The following SEMA6D variants were observed in gnomAD, a reference collection of about 807,000 sequenced individuals.
SEMA6D encodes the protein semaphorin 6D, also known as semaphorin-6D.
A neutral mutation model predicts 106.6 loss-of-function variants in SEMA6D; 35 were observed. The observed-to-expected ratio is 0.33, with a 90% CI of 0.25 to 0.44. The LOEUF is 0.44. SEMA6D is among the 20% of genes least tolerant of loss of function. The pLI, the probability that SEMA6D is intolerant of heterozygous loss-of-function variation, is 1.00. For missense variants in SEMA6D, 1,185 were observed against 1,345.9 expected, an observed-to-expected ratio of 0.88 and a Z score of 1.87; for synonymous variants, 499 against 487.7, an observed-to-expected ratio of 1.02 and a Z score of -0.31.
At chr15:47,363,015 T>C (rs2038870002) in intron 1 of SEMA6D, among the ~76,000 whole-genome samples, 1 of 151,994 alleles carries the variant, frequency 6.6e-6, no homozygotes, top group Non-Finnish European at 1.5e-5. Context: ...CAAGTTTAAT[T>C]AGAAAGAAAA....
chr15:47,446,101 C>A (rs1237577097), intron 2 of SEMA6D, among the ~76,000 whole-genome samples: 1 of 152,182 alleles, frequency 6.6e-6, no homozygotes, highest in Non-Finnish European at 1.5e-5. Flanking sequence ...TCATTCTTCA[C>A]CCACCTCTGT....
chr15:47,614,267 A>G (rs1271136249), intron 4 of SEMA6D, among the ~76,000 whole-genome samples: 1 of 152,232 alleles, frequency 6.6e-6, no homozygotes, highest in African/African-American at 2.4e-5. Context: ...TGGATGATCA[A>G]GATTCGCAGT....
At chr15:47,718,863 T>C (rs1358631640) in intron 1 of SEMA6D, 1 of 152,016 alleles carries the variant, frequency 6.6e-6, no homozygotes, top group Non-Finnish European at 1.5e-5. Flanking sequence ...AGGGGCATGG[T>C]GAGGAGGAAG....
At chr15:47,571,692 C>T (rs1472141577) in intron 3 of SEMA6D, among the ~76,000 whole-genome samples, 1 of 152,078 alleles carries the variant, frequency 6.6e-6, no homozygotes, top group Non-Finnish European at 1.5e-5. Context: ...GTTATGTAGG[C>T]CTCATTGGAT....
intron 1 of SEMA6D, among the ~76,000 whole-genome samples, chr15:47,237,772 A>G (rs2032647674): frequency 6.6e-6 from 1 of 152,074 alleles, no homozygotes. Flanking sequence ...TGAGCCTCTG[A>G]GCACAAAAAT....
chr15:47,693,983 A>AT (rs1261688860), intron 4 of SEMA6D, among the ~76,000 whole-genome samples: 1 of 152,072 alleles, frequency 6.6e-6, no homozygotes, highest in Non-Finnish European at 1.5e-5. Flanking sequence ...CAAGCACTTG[A>AT]TTTTTTCAGA....
intron 3 of SEMA6D, among the ~76,000 whole-genome samples, chr15:47,552,831 T>TTA (rs1491028135): frequency 2.8e-5 from 2 of 72,504 alleles, no homozygotes; most frequent in African/African-American, 9.3e-5. Context: ...TATATATTTT[T>TTA]ATATATATAT....
At chr15:47,369,983 G>A (rs1332971770) in intron 1 of SEMA6D, among the ~76,000 whole-genome samples, 1 of 152,170 alleles carries the variant, frequency 6.6e-6, no homozygotes, top group African/African-American at 2.4e-5. Flanking sequence ...TTTTGCAGAT[G>A]AAAAAACAGA....
chr15:47,337,907 C>A (rs1325004934), intron 1 of SEMA6D, among the ~76,000 whole-genome samples: 27 of 152,156 alleles, frequency 1.8e-4, no homozygotes, highest in Admixed American at 1.7e-3. Flanking sequence ...TTCCCCAAAT[C>A]ACCTCAACAA....
intron 1 of SEMA6D, among the ~76,000 whole-genome samples, chr15:47,367,691 C>CGT (rs1316559191): frequency 3.7e-4 from 16 of 43,292 alleles, no homozygotes; most frequent in African/African-American, 1.2e-3. Flanking sequence ...CGCGCGCGCG[C>CGT]GCACACACAC....
At chr15:47,610,104 A>G (rs1289615121) in intron 4 of SEMA6D, among the ~76,000 whole-genome samples, 1 of 152,170 alleles carries the variant, frequency 6.6e-6, no homozygotes, top group Non-Finnish European at 1.5e-5. Flanking sequence ...CTAAGGAAGT[A>G]TTTCTTGACT....
intron 1 of SEMA6D, among the ~76,000 whole-genome samples, chr15:47,251,317 A>G (rs1179840821): frequency 6.6e-6 from 1 of 152,162 alleles, no homozygotes; most frequent in Admixed American, 6.5e-5. Context: ...GGAAATCTGT[A>G]TCTGTCGCCA....
intron 3 of SEMA6D, among the ~76,000 whole-genome samples, chr15:47,497,224 C>CCAG (rs2043696128): frequency 6.6e-6 from 1 of 152,144 alleles, no homozygotes; most frequent in African/African-American, 2.4e-5. Context: ...GCTGCTTCTG[C>CCAG]CAGCCTCTTC....
At chr15:47,408,494 A>G (rs2040672581) in intron 1 of SEMA6D, among the ~76,000 whole-genome samples, 3 of 152,214 alleles carry the variant, frequency 2.0e-5, no homozygotes. Context: ...AGGGTAAACT[A>G]AATAACTTAT....
chr15:47,406,734 A>C (rs281318), intron 1 of SEMA6D, among the ~76,000 whole-genome samples: 34,366 of 148,904 alleles, frequency 0.23, 3,974 homozygotes, highest in South Asian at 0.32. Context: ...TGTGTTGTAT[A>C]CCCGAAGTTT....
intron 3 of SEMA6D, among the ~76,000 whole-genome samples, chr15:47,509,999 C>G (rs773784193): frequency 1.3e-5 from 2 of 152,190 alleles, no homozygotes; most frequent in Non-Finnish European, 2.9e-5. Context: ...GGCCCTTCCA[C>G]CTTAGTGATT....
At chr15:47,554,461 T>C (rs1474730974) in intron 3 of SEMA6D, among the ~76,000 whole-genome samples, 2 of 152,328 alleles carry the variant, frequency 1.3e-5, no homozygotes, top group Non-Finnish European at 2.9e-5. Flanking sequence ...CAGGGATCAA[T>C]GATGTAGCCA....
At chr15:47,210,718 T>C (rs1488921802) in intron 1 of SEMA6D, among the ~76,000 whole-genome samples, 2 of 126,032 alleles carry the variant, frequency 1.6e-5, no homozygotes, top group African/African-American at 3.1e-5. Flanking sequence ...TGAGCCGAGA[T>C]AGCACCACTG....
chr15:47,523,560 C>T (rs1483692704), intron 3 of SEMA6D, among the ~76,000 whole-genome samples: 3 of 152,180 alleles, frequency 2.0e-5, no homozygotes. Context: ...CAGACTTAAA[C>T]AGGAAGGTTT....
Sources: allele counts gnomAD v4.1 joint callset (sites outside exome capture counted in the v4.1 genomes callset), GRCh38; gene constraint gnomAD v4.1.1; transcripts MANE v1.5; gene names NCBI Gene and HGNC (gene_info 2026-07-23, HGNC 2026-07-21).